The following GSK3B variants were observed in gnomAD, a reference collection of about 807,000 sequenced individuals.
GSK3B encodes glycogen synthase kinase-3 beta.
Under a neutral mutation model 56.4 loss-of-function variants are expected in GSK3B, and 15 were observed. The observed-to-expected ratio is 0.27, with a 90% CI of 0.18 to 0.41. The LOEUF (loss-of-function observed/expected upper bound fraction) is 0.41. Ranked by LOEUF, GSK3B falls within the 10% of genes least tolerant of loss-of-function variation. The probability of loss-of-function intolerance (pLI) is 1.00; values close to 1 mark genes in which losing one functional copy is unlikely to be tolerated. For missense variants in GSK3B, 300 were observed against 513.4 expected (o/e 0.58, Z 4.02); for synonymous variants, 181 against 188.9 (o/e 0.96, Z 0.34).
At chr3:119,993,082 TA>T (rs1287776641) in intron 2 of GSK3B, among the ~76,000 whole-genome samples, 2 of 147,688 alleles carry the variant, frequency 1.4e-5, no homozygotes, top group Non-Finnish European at 3.0e-5. Flanking sequence ...CCAGGAAATA[TA>T]GCTTAAAGAA....
At chr3:120,064,628 A>G (rs944966975) in intron 1 of GSK3B, among the ~76,000 whole-genome samples, 1 of 152,164 alleles carries the variant, frequency 6.6e-6, no homozygotes, top group Non-Finnish European at 1.5e-5. Context: ...CAAAATCCCA[A>G]AGGCCTTTTC....
chr3:119,938,357 T>C (rs1021581268), intron 3 of GSK3B, among the ~76,000 whole-genome samples: 4 of 152,044 alleles, frequency 2.6e-5, no homozygotes, highest in East Asian at 3.9e-4. Flanking sequence ...CCCTTATAAA[T>C]ATAAACGCAA....
intron 1 of GSK3B, among the ~76,000 whole-genome samples, chr3:120,018,976 C>T (rs914189548): frequency 2.6e-5 from 4 of 152,064 alleles, no homozygotes; most frequent in African/African-American, 9.7e-5. Context: ...TCTTTTTGGA[C>T]TGCTTTCTTC....
chr3:120,049,177 ACAAT>A (rs1466366960), intron 1 of GSK3B, among the ~76,000 whole-genome samples: 6 of 152,216 alleles, frequency 3.9e-5, no homozygotes, highest in Admixed American at 1.3e-4. Flanking sequence ...GTCCCTAGAT[ACAAT>A]CAGAGAATGT....
At chr3:119,971,601 ATTTTTTTTTTT>A (rs751790636) in intron 2 of GSK3B, among the ~76,000 whole-genome samples, 14 of 83,856 alleles carry the variant, frequency 1.7e-4, no homozygotes, top group African/African-American at 4.8e-4. Context: ...ATTTGCAATA[ATTTTTTTTTTT>A]TTTTTTTTTT....
chr3:119,832,196 A>C (rs1319632656), intron 10 of GSK3B, among the ~76,000 whole-genome samples: 1 of 152,226 alleles, frequency 6.6e-6, no homozygotes, highest in Non-Finnish European at 1.5e-5. Flanking sequence ...GAGATACTTA[A>C]GTAGCACTAT....
chr3:119,871,244 C>A (rs1049697387), intron 8 of GSK3B, among the ~76,000 whole-genome samples: 1 of 152,176 alleles, frequency 6.6e-6, no homozygotes. Context: ...TCTGCTTACT[C>A]TGTTAGCCAG....
At chr3:120,014,163 AAAC>A (rs923661172) in intron 1 of GSK3B, among the ~76,000 whole-genome samples, 18 of 151,234 alleles carry the variant, frequency 1.2e-4, no homozygotes, top group Non-Finnish European at 1.9e-4. Context: ...AAAACAAAAC[AAAC>A]AACAACAACA....
chr3:120,047,603 A>G (rs2058114387), intron 1 of GSK3B, among the ~76,000 whole-genome samples: 1 of 152,372 alleles, frequency 6.6e-6, no homozygotes, highest in Non-Finnish European at 1.5e-5. Flanking sequence ...TACATAACAA[A>G]TAAGTGTTTT....
chr3:120,082,524 T>C (rs1303637599), intron 1 of GSK3B, among the ~76,000 whole-genome samples: 3 of 149,964 alleles, frequency 2.0e-5, no homozygotes, highest in African/African-American at 7.4e-5. Flanking sequence ...GCCTCCCAAG[T>C]AGCTGGGATT....
At chr3:119,881,234 T>C (rs2056375262) in intron 7 of GSK3B, among the ~76,000 whole-genome samples, 1 of 152,094 alleles carries the variant, frequency 6.6e-6, no homozygotes. Context: ...TGCCTTAAAG[T>C]TCAAAATCAG....
At chr3:119,886,292 G>T (rs886580701) in intron 7 of GSK3B, among the ~76,000 whole-genome samples, 1 of 152,084 alleles carries the variant, frequency 6.6e-6, no homozygotes, top group Non-Finnish European at 1.5e-5. Flanking sequence ...TGAAAAAAAT[G>T]CTTCACATCA....
At chr3:120,078,914 T>TACATAC (rs2058389200) in intron 1 of GSK3B, among the ~76,000 whole-genome samples, 2 of 138,202 alleles carry the variant, frequency 1.4e-5, no homozygotes, top group African/African-American at 5.4e-5. Context: ...GACAGGAAAT[T>TACATAC]ACACACACAC....
intron 1 of GSK3B, among the ~76,000 whole-genome samples, chr3:120,070,213 AAAAAC>A (rs1184348182): frequency 5.7e-5 from 8 of 139,906 alleles, no homozygotes; most frequent in Non-Finnish European, 9.0e-5. Flanking sequence ...CTCCATCTCA[AAAAAC>A]AAAACAAAAC....
At chr3:119,973,607 CAAG>C (rs1372492740) in intron 2 of GSK3B, among the ~76,000 whole-genome samples, 12 of 152,166 alleles carry the variant, frequency 7.9e-5, no homozygotes, top group African/African-American at 2.2e-4. Flanking sequence ...CACATCATCA[CAAG>C]AAGAAGGGTG....
At chr3:120,045,863 T>C (rs1227631259) in intron 1 of GSK3B, among the ~76,000 whole-genome samples, 1 of 152,166 alleles carries the variant, frequency 6.6e-6, no homozygotes, top group African/African-American at 2.4e-5. Context: ...GCTAAAAAAA[T>C]TGTGGTATAT....
chr3:119,897,805 A>G (rs937348693), intron 7 of GSK3B, among the ~76,000 whole-genome samples: 1 of 151,570 alleles, frequency 6.6e-6, no homozygotes, highest in Non-Finnish European at 1.5e-5. Context: ...AAAAAAAAAA[A>G]AAAAAAGAAA....
chr3:120,021,022 G>A (rs2057872209), intron 1 of GSK3B, among the ~76,000 whole-genome samples: 1 of 152,232 alleles, frequency 6.6e-6, no homozygotes, highest in Admixed American at 6.5e-5. Flanking sequence ...TTCTCTGAAG[G>A]CCGACAGAAG....
At chr3:120,034,284 C>G (rs2058003925) in intron 1 of GSK3B, among the ~76,000 whole-genome samples, 2 of 152,292 alleles carry the variant, frequency 1.3e-5, no homozygotes, top group South Asian at 2.1e-4. Flanking sequence ...ATCTAAGAAG[C>G]CACTGCCTAC....
Sources: gnomAD v4.1 joint callset for allele counts (sites outside exome capture counted in the v4.1 genomes callset) on GRCh38, gnomAD v4.1.1 for gene constraint, MANE v1.5 for transcripts, NCBI Gene and HGNC (gene_info 2026-07-23, HGNC 2026-07-21) for gene names.